Variants in SCAI observed in about 807,000 individuals in gnomAD.
The protein encoded by SCAI is suppressor of cancer cell invasion.
In SCAI, 24 loss-of-function variants were observed where a neutral mutation model predicts 92.2. The observed-to-expected ratio is 0.26, with a 90% CI of 0.19 to 0.37. SCAI has a LOEUF of 0.37. SCAI is among the 10% of genes least tolerant of loss of function. The pLI is 1.00. For missense variants in SCAI, 450 were observed against 736.2 expected (o/e 0.61, Z 4.50); for synonymous variants, 261 against 258.6 (o/e 1.01, Z -0.09).
At chr9:125,136,081 A>G (rs936529445) in intron 2 of SCAI, among the ~76,000 whole-genome samples, 4 of 151,630 alleles carry the variant, frequency 2.6e-5, no homozygotes, top group Non-Finnish European at 4.4e-5. Context: ...CCGTTCAATC[A>G]GTTACTCAAG....
At chr9:124,999,224 T>A (rs916783423) in intron 13 of SCAI, among the ~76,000 whole-genome samples, 4 of 151,544 alleles carry the variant, frequency 2.6e-5, no homozygotes, top group African/African-American at 9.7e-5. Context: ...CCATCTCTAC[T>A]AAAAATACAA....
chr9:125,110,042 T>C (rs552838063), intron 2 of SCAI, among the ~76,000 whole-genome samples: 16 of 152,176 alleles, frequency 1.1e-4, no homozygotes, highest in Non-Finnish European at 2.1e-4. Context: ...AAGACTCAGA[T>C]GATAGGAAGT....
intron 2 of SCAI, among the ~76,000 whole-genome samples, chr9:125,094,039 C>T (rs1279635122): frequency 6.6e-6 from 1 of 152,034 alleles, no homozygotes; most frequent in Non-Finnish European, 1.5e-5. Context: ...CACAGTCTTC[C>T]CCTTCTCGGT....
intron 2 of SCAI, among the ~76,000 whole-genome samples, chr9:125,138,412 C>T (rs1472190376): frequency 6.6e-6 from 1 of 151,650 alleles, no homozygotes; most frequent in Non-Finnish European, 1.5e-5. Context: ...TGCGCTACCA[C>T]GCCCAGCCAA....
intron 13 of SCAI, among the ~76,000 whole-genome samples, chr9:124,996,128 G>C (rs1832234175): frequency 7.0e-6 from 1 of 143,794 alleles, no homozygotes; most frequent in African/African-American, 2.6e-5. Context: ...ACTTGTTAAT[G>C]CATACATGTA....
In SCAI at chr9:125,073,614, C is replaced by T. The variant is rs540732918; in HGVS notation, c.99-17607G>A. Among the ~76,000 whole-genome samples the T allele has an allele frequency of 6.6e-4, 100 of 152,278 alleles. 1 individual carries two copies. The highest frequency in any genetic ancestry group is 3.4e-3 in the Middle Eastern group (1 of 294). On this transcript the variant is annotated intron_variant, in intron 2 of 17. Transcript: ENST00000336505. ...TTCTCTAATGACAAGTGATGCTGAG[C>T]ATCTTTTCACCTGCTTATTGGCCAT...
At chr9:125,111,553 G>A (rs575085312) in intron 2 of SCAI, among the ~76,000 whole-genome samples, 2 of 145,618 alleles carry the variant, frequency 1.4e-5, no homozygotes, top group Non-Finnish European at 3.1e-5. Context: ...GACTTTTTTT[G>A]TGAAAATTTT....
intron 3 of SCAI, among the ~76,000 whole-genome samples, chr9:125,048,086 C>A (rs1235222638): frequency 6.6e-6 from 1 of 152,090 alleles, no homozygotes; most frequent in Non-Finnish European, 1.5e-5. Flanking sequence ...TCAAGCAATT[C>A]TCCTGCCTCA....
intron 9 of SCAI, among the ~76,000 whole-genome samples, chr9:125,011,429 A>G (rs942902830): frequency 7.9e-5 from 12 of 152,366 alleles, no homozygotes; most frequent in Admixed American, 7.2e-4. Context: ...AAGAAAGGGT[A>G]TCAGTGATGA....
At chr9:125,121,782 G>A (rs190182071) in intron 2 of SCAI, among the ~76,000 whole-genome samples, 1 of 152,258 alleles carries the variant, frequency 6.6e-6, no homozygotes, top group African/African-American at 2.4e-5. Context: ...GAACCTGGGA[G>A]GTAGAGGTTG....
intron 2 of SCAI, among the ~76,000 whole-genome samples, chr9:125,079,497 GTAAA>G (rs1279061128): frequency 6.6e-6 from 1 of 152,102 alleles, no homozygotes; most frequent in Non-Finnish European, 1.5e-5. Flanking sequence ...TTGCTTCTTA[GTAAA>G]TAATTTTTCA....
chr9:124,954,904 C>T (rs1219748589), intron 17 of SCAI, among the ~76,000 whole-genome samples: 8 of 151,074 alleles, frequency 5.3e-5, no homozygotes, highest in African/African-American at 1.9e-4. Context: ...GGTGGCTCAC[C>T]CTTGTAATCC....
At chr9:125,029,024 C>G (rs923936419) in intron 4 of SCAI, among the ~76,000 whole-genome samples, 10 of 152,170 alleles carry the variant, frequency 6.6e-5, no homozygotes, top group African/African-American at 2.4e-4. Context: ...TCTTGAACTC[C>G]TAACCTCAAG....
intron 17 of SCAI, chr9:124,968,353 T>C (rs1379594720): frequency 7.5e-6 from 9 of 1,200,096 alleles, no homozygotes; most frequent in Non-Finnish European, 1.1e-5. Context: ...TTTAAGGCTT[T>C]AGTGAGCTCT....
chr9:124,956,271 T>A (rs1376568541), intron 17 of SCAI, among the ~76,000 whole-genome samples: 1 of 152,106 alleles, frequency 6.6e-6, no homozygotes, highest in African/African-American at 2.4e-5. Flanking sequence ...CAGGCTGGAG[T>A]GCAATGGCAC....
chr9:124,993,243 T>C (rs10760388), intron 14 of SCAI, among the ~76,000 whole-genome samples: 94,312 of 152,138 alleles, frequency 0.62, 29,555 homozygotes, highest in Admixed American at 0.66. Flanking sequence ...ATTCAGCAGC[T>C]TCTCACATTC....
At chr9:125,138,693 A>C (rs997163470) in intron 2 of SCAI, among the ~76,000 whole-genome samples, 1 of 151,608 alleles carries the variant, frequency 6.6e-6, no homozygotes, top group Non-Finnish European at 1.5e-5. Flanking sequence ...GGATTACAGG[A>C]TTGAGCCATC....
intron 2 of SCAI, among the ~76,000 whole-genome samples, chr9:125,138,729 A>T (rs1000634269): frequency 6.6e-6 from 1 of 151,858 alleles, no homozygotes; most frequent in Non-Finnish European, 1.5e-5. Context: ...TTGTATTTTT[A>T]ATAGAAATGG....
intron 2 of SCAI, among the ~76,000 whole-genome samples, chr9:125,097,609 T>C (rs190399887): frequency 2.7e-4 from 41 of 151,856 alleles, no homozygotes; most frequent in African/African-American, 9.9e-4. Context: ...ATAAAATTTA[T>C]ATCAAATACC....
Sources: gnomAD v4.1 joint callset for allele counts (sites outside exome capture counted in the v4.1 genomes callset) on GRCh38, gnomAD v4.1.1 for gene constraint, MANE v1.5 for transcripts, NCBI Gene and HGNC (gene_info 2026-07-23, HGNC 2026-07-21) for gene names.